The following EPB41L1 variants were observed in gnomAD, a reference collection of about 807,000 sequenced individuals.
The protein encoded by EPB41L1 is band 4.1-like protein 1.
EPB41L1 carries 29 observed loss-of-function variants against 97.8 expected under a neutral mutation model. The observed-to-expected ratio is 0.30, with a 90% CI of 0.22 to 0.40. The LOEUF (loss-of-function observed/expected upper bound fraction) is 0.40, where lower values mean the gene tolerates loss of function less well. EPB41L1 is among the 10% of genes least tolerant of loss of function. The pLI, the probability that EPB41L1 is intolerant of heterozygous loss-of-function variation, is 1.00. For missense variants in EPB41L1, 812 were observed against 1,162.3 expected, an observed-to-expected ratio of 0.70 and a Z score of 4.38; for synonymous variants, 383 against 459.2, an observed-to-expected ratio of 0.83 and a Z score of 2.12.
At chr20:36,187,886 C>T in intron 8 of EPB41L1, 123 bp downstream of exon 8, 1 of 790,802 alleles carries the variant, frequency 1.3e-6, no homozygotes, top group Non-Finnish European at 2.2e-6. Context: ...CTTTTCTGTT[C>T]TCATTCTCAT....
intron 2 of EPB41L1, among the ~76,000 whole-genome samples, chr20:36,123,373 G>A (rs1000842085): frequency 4.6e-5 from 7 of 152,152 alleles, no homozygotes; most frequent in African/African-American, 9.7e-5. Context: ...TCAGTTTCCC[G>A]ATCTAACGAG....
intron 1 of EPB41L1, among the ~76,000 whole-genome samples, chr20:36,163,631 C>T (rs1288695563): frequency 6.6e-6 from 1 of 152,176 alleles, no homozygotes; most frequent in Non-Finnish European, 1.5e-5. Flanking sequence ...GGGGAACCCA[C>T]ATGGGATGGT....
intron 21 of EPB41L1, among the ~76,000 whole-genome samples, chr20:36,223,621 CA>C (rs1349956639): frequency 6.6e-6 from 1 of 151,918 alleles, no homozygotes; most frequent in Non-Finnish European, 1.5e-5. Context: ...GTAGGGAGTC[CA>C]AAAGCAAGCA....
At chr20:36,177,749 C>G (rs1225192802) in intron 3 of EPB41L1, among the ~76,000 whole-genome samples, 1 of 152,238 alleles carries the variant, frequency 6.6e-6, no homozygotes. Flanking sequence ...AGAAGGCCAT[C>G]AAGGAGCTGG....
At chr20:36,140,119 A>G (rs370014850) in intron 2 of EPB41L1, among the ~76,000 whole-genome samples, 12 of 151,630 alleles carry the variant, frequency 7.9e-5, no homozygotes, top group Non-Finnish European at 1.0e-4. Context: ...CAGAAGCGCA[A>G]TCTCTGCTCA....
chr20:36,221,132 C>A (rs1227734557), intron 19 of EPB41L1, among the ~76,000 whole-genome samples: 2 of 152,262 alleles, frequency 1.3e-5, no homozygotes, highest in African/African-American at 2.4e-5. Context: ...TGGGAGCCCC[C>A]TCTTCTTTCT....
intron 2 of EPB41L1, among the ~76,000 whole-genome samples, chr20:36,117,945 G>A (rs945351149): frequency 6.6e-6 from 1 of 152,228 alleles, no homozygotes; most frequent in Non-Finnish European, 1.5e-5. Context: ...GCCAATCTCA[G>A]CTAACATAAC....
chr20:36,134,934 A>G (rs2059362949), intron 2 of EPB41L1, among the ~76,000 whole-genome samples: 1 of 129,882 alleles, frequency 7.7e-6, no homozygotes, highest in South Asian at 2.4e-4. Context: ...ATCACGGCCC[A>G]CTGCATGCAA....
intron 12 of EPB41L1, among the ~76,000 whole-genome samples, chr20:36,194,609 G>A (rs2062104391): frequency 1.3e-5 from 2 of 152,268 alleles, no homozygotes; most frequent in Middle Eastern, 3.4e-3. Context: ...TTCCAGAGGG[G>A]CACTCTGTCC....
chr20:36,174,288 T>C (rs531329136), intron 2 of EPB41L1, among the ~76,000 whole-genome samples: 10 of 151,210 alleles, frequency 6.6e-5, no homozygotes, highest in African/African-American at 2.4e-4. Flanking sequence ...TTTAATTGAG[T>C]TGGAGTCTCG....
Position 36,215,717 on chromosome 20 carries a change from A to T in EPB41L1, c.2268+1277A>T, listed in dbSNP as rs1377816644. ...CATTCATTTACTCATCCATCCATCC[A>T]TCTATTCATTCATTTGTTCCAAAAA... On this transcript the variant is annotated intron_variant, in intron 17 of 21. Transcript: ENST00000338074. 2.6e-5 allele frequency among the ~76,000 whole-genome samples: 4 copies of T among 152,158 alleles called. No individual in the cohort carries two copies. In the East Asian group the frequency reaches 7.7e-4, roughly 29 times the overall value.
chr20:36,125,292 G>A, intron 2 of EPB41L1: 1 of 618,036 alleles, frequency 1.6e-6, no homozygotes, highest in Non-Finnish European at 2.9e-6. Flanking sequence ...CATTGTTTCT[G>A]GGGAGTGGAG....
chr20:36,095,453 C>G (rs769407156), intron 1 of EPB41L1, among the ~76,000 whole-genome samples: 26 of 152,210 alleles, frequency 1.7e-4, no homozygotes, highest in Non-Finnish European at 3.7e-4. Context: ...GTGTTTATCT[C>G]TTCACCCAAC....
At chr20:36,122,228 T>A (rs902233815) in intron 2 of EPB41L1, among the ~76,000 whole-genome samples, 1 of 152,200 alleles carries the variant, frequency 6.6e-6, no homozygotes, top group Non-Finnish European at 1.5e-5. Flanking sequence ...GATAAGTTCC[T>A]GGGTCTCTTG....
chr20:36,186,733 AT>A (rs1393624094), intron 7 of EPB41L1, among the ~76,000 whole-genome samples: 1 of 152,300 alleles, frequency 6.6e-6, no homozygotes, highest in East Asian at 1.9e-4. Flanking sequence ...TCAGAGAAAG[AT>A]GTTCAGATCA....
chr20:36,197,833 C>T, intron 13 of EPB41L1, 26 bp from the exon 14 acceptor site: 1 of 1,613,960 alleles, frequency 6.2e-7, no homozygotes, highest in Non-Finnish European at 8.5e-7. Flanking sequence ...TCCCCTAACA[C>T]CACCACCCTC....
upstream of EPB41L1, chr20:36,150,503 C>T (rs2060008727): frequency 6.6e-6 from 1 of 150,872 alleles, no homozygotes; most frequent in Non-Finnish European, 1.5e-5. Flanking sequence ...TTGGTTAGCA[C>T]AGACCTAAAA....
chr20:36,097,897 A>G (rs1356774006), intron 1 of EPB41L1, among the ~76,000 whole-genome samples: 1 of 152,238 alleles, frequency 6.6e-6, no homozygotes, highest in Non-Finnish European at 1.5e-5. Context: ...GAGCCTGAGC[A>G]AGTCCTGCAG....
At chr20:36,197,127 C>G (rs745940004) in intron 13 of EPB41L1, among the ~76,000 whole-genome samples, 1 of 152,250 alleles carries the variant, frequency 6.6e-6, no homozygotes, top group Admixed American at 6.5e-5. Flanking sequence ...TGAAAGGTAT[C>G]TGGAAGGTCC....
Sources: gnomAD v4.1 joint callset for allele counts (sites outside exome capture counted in the v4.1 genomes callset) on GRCh38, gnomAD v4.1.1 for gene constraint, MANE v1.5 for transcripts, NCBI Gene and HGNC (gene_info 2026-07-23, HGNC 2026-07-21) for gene names.